Variants in SLFN13 observed in about 807,000 individuals in gnomAD.
SLFN13 encodes the protein schlafen family member 13.
A neutral mutation model predicts 50.6 loss-of-function variants in SLFN13; 43 were observed. The ratio of observed to expected loss-of-function variants is 0.85; its 90% CI spans 0.67 to 1.09. The LOEUF (loss-of-function observed/expected upper bound fraction) is 1.09. Ranked by LOEUF, SLFN13 falls within the 50% of genes least tolerant of loss-of-function variation. The probability of loss-of-function intolerance (pLI) is 0.00; values close to 1 mark genes in which losing one functional copy is unlikely to be tolerated. For synonymous variants in SLFN13, 339 were observed against 386.5 expected (o/e 0.88, Z 1.44); for missense variants, 881 against 1,071.1 (o/e 0.82, Z 2.48).
rs2586506 is a variant in SLFN13 at position 35,441,533 on chromosome 17, A to T, written c.1922+30T>A. The T allele has an allele frequency of 2.7e-3, 4,344 of 1,607,784 alleles. 203 individuals are homozygous for T. In the African/African-American group the frequency reaches 0.046, roughly 17 times the overall value. On this transcript the variant is annotated intron_variant, in intron 5 of 5. Coordinates refer to ENST00000285013, the MANE Select transcript of SLFN13 (RefSeq NM_144682.6). ...AAAAAATTAAACCCAGATTAAATAA[A>T]ACTTAAAGACGTAAGATCCAACTGC...
Position 35,439,036 on chromosome 17 carries a change from A to G in SLFN13, c.*1559T>C, listed in dbSNP as rs1156788301. 5.3e-5 allele frequency: 6 copies of G among 113,112 alleles called. No homozygotes were observed. The highest frequency in any genetic ancestry group is 2.1e-4 in the African/African-American group (6 of 28,820). The allele number at this position is 113,112 out of a possible 1,614,324, so 7.0% of individuals were successfully genotyped here. On this transcript the variant is annotated 3_prime_UTR_variant, in exon 6 of 6. Transcript: ENST00000285013. Reference sequence around the variant, plus strand: ...ACAGTCTGGGGGCTGGAAGTCGAAGACATAGGTGCCAGCAGGGTGGGGGGG... The same window carrying G: ...ACAGTCTGGGGGCTGGAAGTCGAAGGCATAGGTGCCAGCAGGGTGGGGGGG...
chr17:35,440,530 C>A lies in SLFN13; in HGVS notation c.*65G>T. On this transcript the variant is annotated 3_prime_UTR_variant, in exon 6 of 6. Coordinates refer to ENST00000285013, the MANE Select transcript of SLFN13 (RefSeq NM_144682.6). ...AACTAAAAAGAAAGGTTTCTACCAT[C>A]AGCAGACTGTCACCCATAGACATTT... The A allele has an allele frequency of 6.4e-7, 1 of 1,556,056 alleles. No individual in the cohort carries two copies. Among genetic ancestry groups the A allele is most frequent in the Non-Finnish European group, 8.8e-7 (1 of 1,140,006 alleles).
rs1026518610 is a variant in SLFN13, at chr17:35,440,818, G to A, written c.2471C>T (p.Ser824Phe). Residue 824 changes from serine (S) to phenylalanine (F), a missense_variant, in exon 6 of 6, where the codon TCT becomes TTT. By Grantham distance (155) the Ser-to-Phe change is radical (BLOSUM62 -2). Around this residue, in one of 5 missense-constraint regions of SLFN13, gnomAD observed 322 missense variants for 327.4 expected, o/e 0.98. Transcript: ENST00000285013. ...STVTEVEQYQ[S>F]KLLKAMRKKM... ...CTTCCTCATTGCTTTCAAGAGCTTA[G>A]ACTGATACTGCTCCACTTCTGTCAC... 2.5e-6 allele frequency: 4 copies of A among 1,613,994 alleles called. No individual in the cohort carries two copies. The highest frequency in any genetic ancestry group is 3.4e-6 in the Non-Finnish European group (4 of 1,180,028).
At position 35,444,665 on chromosome 17, in the gene SLFN13, C is replaced by T. The variant is rs148604980; in HGVS notation, c.1016G>A (p.Arg339His). The T allele has an allele frequency of 1.2e-5, 20 of 1,614,174 alleles. No homozygotes were observed. Among genetic ancestry groups the T allele is most frequent in the South Asian group, 1.2e-4 (11 of 91,086 alleles). The change falls in exon 3 of 6, where the codon CGC becomes CAC. Residue 339 changes from arginine (R) to histidine (H), a missense_variant. Around this residue, in one of 5 missense-constraint regions of SLFN13, gnomAD observed 497 missense variants for 518.3 expected, o/e 0.96. Transcript: ENST00000285013. ...KSWMVREKYIRPLTTEEWVEK... is the reference protein window; with the variant it reads ...KSWMVREKYIHPLTTEEWVEK... ...TACCCATTCCTCAGTTGTCAAGGGG[C>T]GGATGTACTTCTCCCTCACCATCCA...
chr17:35,449,382 C>T (rs1010566247), upstream of SLFN13, among the ~76,000 whole-genome samples: 2 of 152,252 alleles, frequency 1.3e-5, no homozygotes, highest in South Asian at 4.2e-4. Flanking sequence ...GTCCCGCCTT[C>T]CCCGGACCCC....
intron 4 of SLFN13, 85 bp downstream of exon 4, chr17:35,443,704 G>T: frequency 6.9e-7 from 1 of 1,446,836 alleles, no homozygotes; most frequent in Non-Finnish European, 9.5e-7. Context: ...TGGATCTGCA[G>T]GACACAATCT....
rs534320450 is a variant in SLFN13 at position 35,446,479 on chromosome 17, G to A, written c.-13-786C>T. Among the ~76,000 whole-genome samples the A allele has an allele frequency of 2.3e-4, 35 of 152,254 alleles. No homozygotes were observed. The South Asian group carries it at 7.0e-3, about 31-fold the overall frequency. ...GCTTGAATTCCAGTTCTGCCATTTA[G>A]TACTGTTATATTAGTCTAGATATTT... On this transcript the variant is annotated intron_variant, in intron 2 of 5. Transcript: ENST00000285013.
intron 4 of SLFN13, among the ~76,000 whole-genome samples, chr17:35,442,955 C>T (rs899849395): frequency 1.3e-5 from 2 of 152,132 alleles, no homozygotes; most frequent in African/African-American, 4.8e-5. Flanking sequence ...CTATAAAGCT[C>T]TCAGGTAAGT....
chr17:35,440,860 G>A lies in SLFN13; in HGVS notation c.2429C>T (p.Ala810Val). 2 of 1,614,176 alleles carry A rather than the reference G, an allele frequency of 1.2e-6. No individual in the cohort carries two copies. The highest frequency in any genetic ancestry group is 1.7e-6 in the Non-Finnish European group (2 of 1,180,018). The change falls in exon 6 of 6, where the codon GCT becomes GTT. Residue 810 changes from alanine to valine, a missense_variant. Physicochemically the swap from Ala to Val is moderately conservative, Grantham distance 64. Transcript: ENST00000285013. ...TTCTGTCACGGTGCTGACAAGCACA[G>A]CAACATCCTTTGGAGAATAGCCCCT... ...FERGYSPKDVAVLVSTVTEVE... is the reference protein window; with the variant it reads ...FERGYSPKDVVVLVSTVTEVE...
At chr17:35,447,931 G>A (rs1161849204) in intron 1 of SLFN13, among the ~76,000 whole-genome samples, 1 of 152,060 alleles carries the variant, frequency 6.6e-6, no homozygotes, top group Non-Finnish European at 1.5e-5. Flanking sequence ...TGTCCAGGCT[G>A]GAGGGCAGTG....
upstream of SLFN13, among the ~76,000 whole-genome samples, chr17:35,449,300 T>G (rs899120652): frequency 1.3e-5 from 2 of 151,268 alleles, no homozygotes; most frequent in Admixed American, 1.3e-4. Context: ...TTTCGAGTGG[T>G]TCTTAGTTCT....
In SLFN13 at chr17:35,444,679, C is replaced by T; in HGVS notation, c.1002G>A (p.Arg334=). 2 of 1,614,144 alleles carry T rather than the reference C, an allele frequency of 1.2e-6. No homozygotes were observed. The highest frequency in any genetic ancestry group is 1.3e-5 in the African/African-American group (1 of 75,012). The change falls in exon 3 of 6, where the codon AGG becomes AGA. Residue 334 remains arginine, a synonymous_variant. Transcript: ENST00000285013. ...TTGTCAAGGGGCGGATGTACTTCTC[C>T]CTCACCATCCATGACTTGGGAGCTT... ...FSEAPKSWMV[R]EKYIRPLTTE...
upstream of SLFN13, among the ~76,000 whole-genome samples, chr17:35,449,423 G>A (rs960795642): frequency 2.0e-5 from 3 of 151,926 alleles, no homozygotes; most frequent in East Asian, 1.9e-4. Flanking sequence ...GCTCTCGCCC[G>A]AGCTTTCCCC....
rs765074422 is a variant in SLFN13, at chr17:35,442,280, G to A, written c.1205C>T (p.Pro402Leu). The A allele has an allele frequency of 6.3e-7, 1 of 1,579,830 alleles. No homozygotes were observed. The change falls in exon 5 of 6, where the codon CCA becomes CTA. Residue 402 changes from proline to leucine, a missense_variant. Around this residue, in one of 5 missense-constraint regions of SLFN13, gnomAD observed 497 missense variants for 518.3 expected, o/e 0.96. Coordinates refer to ENST00000285013, the MANE Select transcript of SLFN13 (RefSeq NM_144682.6). The stretch of plus-strand genomic sequence containing the variant: ...CTCTGGAGTACATTCCAAATGTCCT[G>A]GTGGAACTAGACAGGAAGAAAATAG... Reference protein sequence around the residue: ...DLQQHLFPVPPGHLECTPESL... With the variant: ...DLQQHLFPVPLGHLECTPESL...
intron 2 of SLFN13, 188 bp from the exon 3 acceptor site, chr17:35,445,881 A>G: frequency 1.9e-6 from 1 of 528,198 alleles, no homozygotes; most frequent in Non-Finnish European, 3.3e-6. Flanking sequence ...ATTAGCCTTT[A>G]CCATCATCTG....
chr17:35,448,961 C>A (rs956923429), upstream of SLFN13: 1 of 152,366 alleles, frequency 6.6e-6, no homozygotes, highest in African/African-American at 2.4e-5. Context: ...GAAATCCCAG[C>A]ACTTTGGGAG....
chr17:35,446,597 A>C (rs1032613781), intron 2 of SLFN13: 1 of 152,244 alleles, frequency 6.6e-6, no homozygotes. Flanking sequence ...TACAACAAGC[A>C]TTTAAAACTA....
Position 35,442,180 on chromosome 17 carries a change from G to C in SLFN13, c.1305C>G (p.Ser435=), listed in dbSNP as rs1195245562. 1 of 1,614,148 alleles carries C rather than the reference G, an allele frequency of 6.2e-7. No homozygotes were observed. The highest frequency in any genetic ancestry group is 1.7e-5 in the Admixed American group (1 of 60,022). The stretch of plus-strand genomic sequence containing the variant: ...TTCTAGAGAGGATCACAATTCCCTG[G>C]GAGAAAGGTCGCATTTGCTTGTGTA... ...ELIHKQMRPF[S]QGIVILSRSW... The change falls in exon 5 of 6, where the codon TCC becomes TCG. Residue 435 remains serine (S), a synonymous_variant. Coordinates refer to ENST00000285013, the MANE Select transcript of SLFN13 (RefSeq NM_144682.6).
At chr17:35,441,471 T>TACC (rs902538529) in intron 5 of SLFN13, 92 bp downstream of exon 5, 6 of 1,594,074 alleles carry the variant, frequency 3.8e-6, no homozygotes, top group Non-Finnish European at 5.1e-6. Flanking sequence ...CAGATCATTT[T>TACC]ACCACTCAAT....
Sources: gnomAD v4.1 joint callset for allele counts (sites outside exome capture counted in the v4.1 genomes callset) on GRCh38, gnomAD v4.1.1 for gene constraint, gnomAD v4.1.1 regional missense constraint, MANE v1.5 for transcripts, NCBI Gene and HGNC (gene_info 2026-07-23, HGNC 2026-07-21) for gene names.